Variants in PARD3 observed in about 807,000 individuals in gnomAD.
The protein encoded by PARD3 is partitioning defective 3 homolog.
In PARD3, 75 loss-of-function variants were observed where a neutral mutation model predicts 155.4. The observed-to-expected ratio is 0.48, with a 90% CI of 0.40 to 0.58. The LOEUF (loss-of-function observed/expected upper bound fraction) is 0.58, where lower values mean the gene tolerates loss of function less well. Among genes scored for constraint, PARD3 ranks in the 20% least tolerant of loss-of-function variants. The pLI, the probability that PARD3 is intolerant of heterozygous loss-of-function variation, is 0.00. For synonymous variants in PARD3, 576 were observed against 610.5 expected, an observed-to-expected ratio of 0.94 and a Z score of 0.83; for missense variants, 1,642 against 1,721.7, an observed-to-expected ratio of 0.95 and a Z score of 0.82.
intron 1 of PARD3, among the ~76,000 whole-genome samples, chr10:34,773,403 T>A (rs1467955911): frequency 6.6e-6 from 1 of 152,230 alleles, no homozygotes; most frequent in Non-Finnish European, 1.5e-5. Context: ...CTGAAGCTAT[T>A]CTAATGGTTT....
Position 34,111,544 on chromosome 10 carries a change from G to C in PARD3, c.3687C>G (p.Ala1229=), listed in dbSNP as rs140982604. The C allele has an allele frequency of 1.2e-5, 19 of 1,595,472 alleles. No individual in the cohort carries two copies. The African/African-American group carries it at 2.2e-4, about 18-fold the overall frequency. ...CCCAAGAGTCCTGGGAGACCGAGCT[G>C]GCATTTTTCCTGCTTTGCCTAGAAA... ...SSLPRQSRKN[A]SSVSQDSWEQ... is the part of the protein sequence containing the mutation. The change falls in exon 25 of 25, where the codon GCC becomes GCG. Residue 1229 remains alanine, a synonymous_variant. Transcript: ENST00000374788.
chr10:34,232,142 T>C (rs1952966604), intron 22 of PARD3, among the ~76,000 whole-genome samples: 1 of 152,128 alleles, frequency 6.6e-6, no homozygotes, highest in East Asian at 1.9e-4. Flanking sequence ...GCTGAGATAA[T>C]ATTACCAGAT....
At chr10:34,241,518 A>G (rs1003642708) in intron 22 of PARD3, among the ~76,000 whole-genome samples, 5 of 152,214 alleles carry the variant, frequency 3.3e-5, no homozygotes, top group Admixed American at 3.3e-4. Flanking sequence ...GAAAAAAGGA[A>G]AAACACAGAA....
At chr10:34,467,363 A>G (rs201390805) in intron 4 of PARD3, among the ~76,000 whole-genome samples, 48 of 117,670 alleles carry the variant, frequency 4.1e-4, no homozygotes, top group African/African-American at 1.4e-3. Flanking sequence ...GTGTGTGTGT[A>G]AATACTGGTT....
intron 2 of PARD3, among the ~76,000 whole-genome samples, chr10:34,682,372 T>C (rs2093859291): frequency 6.7e-6 from 1 of 149,680 alleles, no homozygotes; most frequent in Admixed American, 6.6e-5. Flanking sequence ...TAATAATGTA[T>C]TGAGAATCCT....
intron 1 of PARD3, among the ~76,000 whole-genome samples, chr10:34,805,453 T>C (rs193001031): frequency 4.4e-4 from 67 of 151,530 alleles, no homozygotes; most frequent in African/African-American, 1.5e-3. Context: ...AACACCAAGA[T>C]TGGGAGAATG....
chr10:34,722,353 T>C (rs2094622319), intron 1 of PARD3, among the ~76,000 whole-genome samples: 1 of 152,196 alleles, frequency 6.6e-6, no homozygotes. Context: ...CTATCTCCAG[T>C]GGTTATCGCC....
intron 3 of PARD3, among the ~76,000 whole-genome samples, chr10:34,515,858 G>A (rs1033756184): frequency 1.3e-5 from 2 of 151,756 alleles, no homozygotes; most frequent in African/African-American, 4.8e-5. Flanking sequence ...TTACCCATCT[G>A]TTTATAAATA....
intron 2 of PARD3, among the ~76,000 whole-genome samples, chr10:34,623,763 C>T (rs946212716): frequency 4.0e-5 from 6 of 149,836 alleles, no homozygotes; most frequent in Admixed American, 2.0e-4. Context: ...GGGCGGATCA[C>T]GAGGTCAGGA....
intron 22 of PARD3, among the ~76,000 whole-genome samples, chr10:34,266,631 G>T (rs933976193): frequency 6.6e-6 from 1 of 152,080 alleles, no homozygotes; most frequent in African/African-American, 2.4e-5. Flanking sequence ...GGATGAGAGG[G>T]GCTTTTGAAT....
intron 1 of PARD3, among the ~76,000 whole-genome samples, chr10:34,801,773 T>C (rs2134338557): frequency 1.3e-5 from 2 of 152,312 alleles, no homozygotes; most frequent in South Asian, 4.1e-4. Context: ...CAAAATCACA[T>C]CTTAAGAAGT....
rs1013056880 is a variant in PARD3, at chr10:34,755,189, G to A, written c.121-58770C>T. Among the ~76,000 whole-genome samples, 19 of 151,678 alleles carry A rather than the reference G, an allele frequency of 1.3e-4. No homozygotes were observed. The East Asian group carries it at 2.9e-3, about 23-fold the overall frequency. On this transcript the variant is annotated intron_variant, in intron 1 of 24. Transcript: ENST00000374788. ...GGCTGAGGCGGGCAGATCACTTGAG[G>A]TCAGGAGCTCGAGACCAGTCTGGCC...
intron 9 of PARD3, among the ~76,000 whole-genome samples, chr10:34,382,295 T>C (rs1333107503): frequency 6.6e-6 from 1 of 152,256 alleles, no homozygotes; most frequent in African/African-American, 2.4e-5. Context: ...AGTCTTATTC[T>C]CTGCACTTTT....
At chr10:34,170,258 T>A (rs1185997089) in intron 22 of PARD3, among the ~76,000 whole-genome samples, 2 of 152,104 alleles carry the variant, frequency 1.3e-5, no homozygotes, top group Non-Finnish European at 2.9e-5. Context: ...CAGCTAATTT[T>A]AAAATTTCTT....
intron 20 of PARD3, among the ~76,000 whole-genome samples, chr10:34,298,839 C>T (rs1957029742): frequency 6.6e-6 from 1 of 152,192 alleles, no homozygotes; most frequent in South Asian, 2.1e-4. Flanking sequence ...TGACAACACT[C>T]TGAGGCGACC....
At chr10:34,678,588 C>A (rs1405498851) in intron 2 of PARD3, among the ~76,000 whole-genome samples, 1 of 151,968 alleles carries the variant, frequency 6.6e-6, no homozygotes, top group Non-Finnish European at 1.5e-5. Context: ...GCTAATATCA[C>A]AACTTGTTAG....
chr10:34,728,626 T>G (rs1487716847), intron 1 of PARD3, among the ~76,000 whole-genome samples: 1 of 152,236 alleles, frequency 6.6e-6, no homozygotes, highest in African/African-American at 2.4e-5. Context: ...TGTCTATTTC[T>G]AAGTGCTCCC....
intron 5 of PARD3, among the ~76,000 whole-genome samples, chr10:34,422,021 G>A (rs1255165609): frequency 6.6e-6 from 1 of 152,112 alleles, no homozygotes; most frequent in Non-Finnish European, 1.5e-5. Context: ...CAATTTCCAG[G>A]CAGAGGACCA....
intron 3 of PARD3, among the ~76,000 whole-genome samples, chr10:34,502,252 G>A (rs2080765818): frequency 6.6e-6 from 1 of 152,104 alleles, no homozygotes; most frequent in South Asian, 2.1e-4. Flanking sequence ...TCTTAAACGT[G>A]GAAGAGAAGG....
Sources: allele counts gnomAD v4.1 joint callset (sites outside exome capture counted in the v4.1 genomes callset), GRCh38; gene constraint gnomAD v4.1.1; transcripts MANE v1.5; gene names NCBI Gene and HGNC (gene_info 2026-07-23, HGNC 2026-07-21).